KDM2A: variants seen among roughly 807,000 people sequenced by gnomAD.
The protein encoded by KDM2A is lysine demethylase 2A.
Under a neutral mutation model 137.3 loss-of-function variants are expected in KDM2A, and 3 were observed. That is an observed-to-expected ratio of 0.02 (90% confidence interval 0.01 to 0.06). The LOEUF (loss-of-function observed/expected upper bound fraction) is 0.06. Among genes scored for constraint, KDM2A ranks in the 10% least tolerant of loss-of-function variants. The pLI, the probability that KDM2A is intolerant of heterozygous loss-of-function variation, is 1.00. For missense variants in KDM2A, 738 were observed against 1,510.6 expected, an observed-to-expected ratio of 0.49 and a Z score of 8.48; for synonymous variants, 512 against 541.5, an observed-to-expected ratio of 0.95 and a Z score of 0.76.
chr11:67,184,731 G>A (rs1046000341), intron 5 of KDM2A, among the ~76,000 whole-genome samples: 1 of 152,170 alleles, frequency 6.6e-6, no homozygotes, highest in Non-Finnish European at 1.5e-5. Flanking sequence ...ATTCAGAATA[G>A]GAAGCGACTG....
intron 5 of KDM2A, among the ~76,000 whole-genome samples, chr11:67,202,951 C>T (rs1361969208): frequency 6.6e-6 from 1 of 150,708 alleles, no homozygotes; most frequent in Non-Finnish European, 1.5e-5. Flanking sequence ...GCTGTGATTG[C>T]ACCAGTGCAC....
At chr11:67,129,207 T>C (rs1236643548) in intron 2 of KDM2A, among the ~76,000 whole-genome samples, 1 of 152,250 alleles carries the variant, frequency 6.6e-6, no homozygotes, top group Non-Finnish European at 1.5e-5. Flanking sequence ...TAAAAACGTA[T>C]GTGTAGCACA....
chr11:67,155,196 T>C (rs892117119), intron 2 of KDM2A, among the ~76,000 whole-genome samples: 5 of 151,286 alleles, frequency 3.3e-5, no homozygotes, highest in Admixed American at 2.6e-4. Flanking sequence ...TTGTATGTTT[T>C]GTAGAGATGG....
At chr11:67,230,991 C>G (rs911170740) in intron 11 of KDM2A, among the ~76,000 whole-genome samples, 2 of 151,096 alleles carry the variant, frequency 1.3e-5, no homozygotes, top group Admixed American at 6.6e-5. Context: ...GGGTCTCACT[C>G]TCTTGCCCAG....
intron 2 of KDM2A, among the ~76,000 whole-genome samples, chr11:67,122,639 TTATTTTTATTTA>T (rs1393411724): frequency 1.3e-5 from 2 of 148,372 alleles, no homozygotes; most frequent in African/African-American, 5.0e-5. Context: ...TATTTTTTAT[TTATTTTTATTTA>T]TTTATTTATT....
At chr11:67,177,814 GCTAC>G (rs1857002704) in intron 2 of KDM2A, among the ~76,000 whole-genome samples, 1 of 152,126 alleles carries the variant, frequency 6.6e-6, no homozygotes, top group Non-Finnish European at 1.5e-5. Context: ...AACAGTATGT[GCTAC>G]ACTTTTACAT....
At chr11:67,166,578 G>A (rs929391124) in intron 2 of KDM2A, among the ~76,000 whole-genome samples, 3 of 152,118 alleles carry the variant, frequency 2.0e-5, no homozygotes, top group South Asian at 2.1e-4. Flanking sequence ...ATTACTTCTT[G>A]CCCGGCATGG....
At chr11:67,202,860 T>C (rs1857675039) in intron 5 of KDM2A, among the ~76,000 whole-genome samples, 1 of 151,816 alleles carries the variant, frequency 6.6e-6, no homozygotes. Flanking sequence ...CCAGCCATTG[T>C]GGCACGTGCC....
intron 2 of KDM2A, among the ~76,000 whole-genome samples, chr11:67,144,759 T>C (rs1856205185): frequency 6.6e-6 from 1 of 151,130 alleles, no homozygotes; most frequent in Non-Finnish European, 1.5e-5. Flanking sequence ...TAGTGATGGG[T>C]TTCTCCATGT....
chr11:67,186,474 G>A lies in KDM2A; in HGVS notation c.307+4582G>A, dbSNP rs141020887. Reference sequence around the variant, plus strand: ...AGAAAAACAAAAGCTAAGGAAACTTGTTACCACTGGACCTGCCTTGTAAGA... The same window carrying A: ...AGAAAAACAAAAGCTAAGGAAACTTATTACCACTGGACCTGCCTTGTAAGA... On this transcript the variant is annotated intron_variant, in intron 5 of 20. Coordinates refer to ENST00000529006, the MANE Select transcript of KDM2A (RefSeq NM_012308.3). 3.3e-3 allele frequency among the ~76,000 whole-genome samples: 501 copies of A among 152,266 alleles called. 6 individuals are homozygous for A. The highest frequency in any genetic ancestry group is 0.011 in the African/African-American group (474 of 41,554).
At chr11:67,207,883 T>C (rs1396861614) in intron 6 of KDM2A, among the ~76,000 whole-genome samples, 195 bp downstream of exon 6, 1 of 151,780 alleles carries the variant, frequency 6.6e-6, no homozygotes, top group African/African-American at 2.4e-5. Context: ...AAAAAAAAAT[T>C]AGCTGGGTGT....
At chr11:67,224,828 ATTTTTTTTT>A (rs764581976) in intron 10 of KDM2A, among the ~76,000 whole-genome samples, 59 of 66,288 alleles carry the variant, frequency 8.9e-4, no homozygotes, top group African/African-American at 4.3e-3. Flanking sequence ...CAGCTGCAGC[ATTTTTTTTT>A]TTTTTTTTTT....
chr11:67,120,763 T>C (rs1855580743), intron 1 of KDM2A, among the ~76,000 whole-genome samples: 1 of 152,198 alleles, frequency 6.6e-6, no homozygotes, highest in South Asian at 2.1e-4. Flanking sequence ...GTCATTTAAA[T>C]CCTAATTTTT....
chr11:67,177,535 A>C (rs541883133), intron 2 of KDM2A, among the ~76,000 whole-genome samples: 48 of 152,244 alleles, frequency 3.2e-4, no homozygotes, highest in African/African-American at 1.1e-3. Context: ...CGGGGTCATC[A>C]GTATCACAGA....
At position 67,254,546 on chromosome 11, in the gene KDM2A, G is replaced by A; in HGVS notation, c.3307+128G>A. On this transcript the variant is annotated intron_variant, in intron 20 of 20. Coordinates refer to ENST00000529006, the MANE Select transcript of KDM2A (RefSeq NM_012308.3). This position sits in a 1 kb window ranked among gnomAD's most constrained non-coding sequence, Gnocchi z 4.7. ...CACATCAGCTCATTTCTTCACATCT[G>A]GACAAGGACATGGATTTCTATCCCT... is the stretch of plus-strand genomic sequence containing the variant. 1.2e-6 allele frequency: 1 copy of A among 800,134 alleles called. No individual in the cohort carries two copies. Among genetic ancestry groups the A allele is most frequent in the Non-Finnish European group, 2.1e-6 (1 of 482,288 alleles). The allele number at this position is 800,134 out of a possible 1,614,324, so 49.6% of individuals were successfully genotyped here. A position where few individuals can be genotyped will look rare whatever the true frequency, so the allele number is the denominator to read the frequency against.
intron 10 of KDM2A, among the ~76,000 whole-genome samples, chr11:67,220,993 C>T (rs1362308446): frequency 2.7e-5 from 4 of 148,950 alleles, no homozygotes; most frequent in East Asian, 1.9e-4. Flanking sequence ...ACTATTAATA[C>T]GTCAGCACAT....
At chr11:67,201,220 G>GTGTGTT (rs1406756540) in intron 5 of KDM2A, among the ~76,000 whole-genome samples, 86 of 125,986 alleles carry the variant, frequency 6.8e-4, no homozygotes, top group African/African-American at 4.1e-3. Flanking sequence ...ATATATATAT[G>GTGTGTT]TGTGTGTGTG....
chr11:67,238,850 G>T (rs1473677610), intron 12 of KDM2A, among the ~76,000 whole-genome samples: 1 of 152,226 alleles, frequency 6.6e-6, no homozygotes. Context: ...CTAAGTATTT[G>T]ATTCCTACTC....
intron 2 of KDM2A, among the ~76,000 whole-genome samples, chr11:67,124,060 A>T (rs999912012): frequency 6.6e-6 from 1 of 151,628 alleles, no homozygotes; most frequent in Non-Finnish European, 1.5e-5. Context: ...CTGGAGTGCA[A>T]TGGCACTATC....
Sources: allele counts gnomAD v4.1 joint callset (sites outside exome capture counted in the v4.1 genomes callset), GRCh38; gene constraint gnomAD v4.1.1; non-coding constraint Gnocchi (gnomAD v3.1); transcripts MANE v1.5; gene names NCBI Gene and HGNC (gene_info 2026-07-23, HGNC 2026-07-21).